The following SPMIP2 variants were observed in gnomAD, a reference collection of about 807,000 sequenced individuals.
SPMIP2 encodes the protein sperm microtubule inner protein 2, also known as protein SPMIP2.
At chr4:158,895,983 T>C in the SPMIP2 span, 3 of 695,830 alleles carry the variant, frequency 4.3e-6, no homozygotes, top group East Asian at 5.4e-5. Context: ...CATCAAAGTA[T>C]GTGGAGTCCA....
the SPMIP2 span, among the ~76,000 whole-genome samples, chr4:158,954,979 A>G: frequency 6.6e-6 from 1 of 152,116 alleles, no homozygotes; most frequent in Non-Finnish European, 1.5e-5. Context: ...GAAATTAGAA[A>G]TACTGTAGGT....
the SPMIP2 span, among the ~76,000 whole-genome samples, chr4:158,993,376 GAAGAAAAAA>G: frequency 1.1e-3 from 171 of 149,594 alleles, 1 homozygote; most frequent in African/African-American, 2.8e-3. Flanking sequence ...CTAAAAAAAA[GAAGAAAAAA>G]AAGAAAAAAA....
chr4:159,029,714 G>C, the SPMIP2 span, among the ~76,000 whole-genome samples: 24 of 152,250 alleles, frequency 1.6e-4, no homozygotes, highest in African/African-American at 4.6e-4. Flanking sequence ...TGTTTCCTTT[G>C]GATGCCACAC....
chr4:158,948,903 C>T, the SPMIP2 span, among the ~76,000 whole-genome samples: 17 of 152,134 alleles, frequency 1.1e-4, no homozygotes, highest in African/African-American at 3.9e-4. Context: ...CGTGCCCCAC[C>T]ATTAATGGAA....
chr4:158,952,097 T>C, the SPMIP2 span, among the ~76,000 whole-genome samples: 8 of 152,320 alleles, frequency 5.3e-5, no homozygotes, highest in East Asian at 3.9e-4. Flanking sequence ...AGGTATTTCA[T>C]GTTTGCTGAT....
the SPMIP2 span, among the ~76,000 whole-genome samples, chr4:158,939,319 G>C: frequency 6.6e-6 from 1 of 152,084 alleles, no homozygotes; most frequent in Non-Finnish European, 1.5e-5. Context: ...AGACAAAATA[G>C]TATAAAGATC....
chr4:158,928,713 A>C, the SPMIP2 span, among the ~76,000 whole-genome samples: 5 of 152,150 alleles, frequency 3.3e-5, no homozygotes, highest in Non-Finnish European at 5.9e-5. Flanking sequence ...TTTTTGCAAT[A>C]AATCTTGCTA....
chr4:158,984,490 G>T, the SPMIP2 span, among the ~76,000 whole-genome samples: 1 of 151,180 alleles, frequency 6.6e-6, no homozygotes, highest in Admixed American at 6.6e-5. Context: ...AGTGAAAACC[G>T]CTCAACTACA....
At chr4:159,059,314 G>A in the SPMIP2 span, among the ~76,000 whole-genome samples, 1 of 152,200 alleles carries the variant, frequency 6.6e-6, no homozygotes, top group Non-Finnish European at 1.5e-5. Context: ...ATTTAAGAGT[G>A]ATAAAATATG....
At chr4:158,896,926 A>G in the SPMIP2 span, among the ~76,000 whole-genome samples, 1 of 151,778 alleles carries the variant, frequency 6.6e-6, no homozygotes, top group South Asian at 2.1e-4. Flanking sequence ...TACACGTGCC[A>G]TGGTGGTTTG....
the SPMIP2 span, chr4:158,895,703 A>T: frequency 8.5e-7 from 1 of 1,171,022 alleles, no homozygotes; most frequent in African/African-American, 1.5e-5. Context: ...AAATATTGGC[A>T]GAGATTTGAC....
At chr4:158,974,120 C>T in the SPMIP2 span, among the ~76,000 whole-genome samples, 50,268 of 150,460 alleles carry the variant, frequency 0.33, 8,553 homozygotes, top group South Asian at 0.44. Context: ...TAGAATACTC[C>T]GAAAATGTAT....
At chr4:159,055,369 T>G in the SPMIP2 span, among the ~76,000 whole-genome samples, 1 of 152,178 alleles carries the variant, frequency 6.6e-6, no homozygotes, top group Non-Finnish European at 1.5e-5. Context: ...ATGCAGAAGC[T>G]TTAGCATTTG....
the SPMIP2 span, chr4:159,035,253 A>T: frequency 1.1e-5 from 7 of 611,330 alleles, no homozygotes; most frequent in Non-Finnish European, 2.0e-5. Context: ...AGGGAGATAG[A>T]ATGTTCCTCC....
chr4:159,052,565 T>C, the SPMIP2 span, among the ~76,000 whole-genome samples: 1 of 152,172 alleles, frequency 6.6e-6, no homozygotes, highest in East Asian at 1.9e-4. Flanking sequence ...CTTCCGTAGA[T>C]GGGGTAGTGA....
chr4:159,048,320 T>G, the SPMIP2 span, among the ~76,000 whole-genome samples: 1 of 152,228 alleles, frequency 6.6e-6, no homozygotes, highest in Non-Finnish European at 1.5e-5. Context: ...CTGGAATGCC[T>G]GGCAAGTGCA....
the SPMIP2 span, among the ~76,000 whole-genome samples, chr4:159,033,290 AG>A: frequency 5.4e-5 from 8 of 149,278 alleles, no homozygotes; most frequent in African/African-American, 2.0e-4. Context: ...GCCAGGAGCT[AG>A]GGGGAAAGGG....
the SPMIP2 span, among the ~76,000 whole-genome samples, chr4:158,968,106 T>C: frequency 1.1e-4 from 17 of 152,226 alleles, no homozygotes; most frequent in Admixed American, 2.6e-4. Flanking sequence ...CTTAGCTCAC[T>C]GCAACCTCCA....
At chr4:158,935,176 C>A in the SPMIP2 span, among the ~76,000 whole-genome samples, 1 of 152,200 alleles carries the variant, frequency 6.6e-6, no homozygotes. Flanking sequence ...ACCAGTCATT[C>A]CCTTAAGACA....
Sources: gnomAD v4.1 joint callset for allele counts (sites outside exome capture counted in the v4.1 genomes callset) on GRCh38, gnomAD v4.1.1 for gene constraint, MANE v1.5 for transcripts, NCBI Gene and HGNC (gene_info 2026-07-23, HGNC 2026-07-21) for gene names.